NUGGC: variants seen among roughly 807,000 people sequenced by gnomAD.
NUGGC encodes nuclear GTPase, germinal center associated, also known as nuclear GTPase SLIP-GC.
A neutral mutation model predicts 92.6 loss-of-function variants in NUGGC; 58 were observed. The observed-to-expected ratio is 0.63, with a 90% CI of 0.51 to 0.78. The LOEUF (loss-of-function observed/expected upper bound fraction) is 0.78, where lower values mean the gene tolerates loss of function less well. Among genes scored for constraint, NUGGC ranks in the 30% least tolerant of loss-of-function variants. The pLI is 0.00. For synonymous variants in NUGGC, 376 were observed against 366.4 expected, an observed-to-expected ratio of 1.03 and a Z score of -0.30; for missense variants, 925 against 964.6, an observed-to-expected ratio of 0.96 and a Z score of 0.54.
At chr8:28,059,636 C>A (rs987907577) in intron 8 of NUGGC, among the ~76,000 whole-genome samples, 6 of 152,052 alleles carry the variant, frequency 3.9e-5, no homozygotes, top group African/African-American at 7.3e-5. Context: ...AACAAACCTG[C>A]ACATCCTGCA....
At chr8:28,040,497 A>G (rs543042919) in intron 13 of NUGGC, among the ~76,000 whole-genome samples, 2 of 152,340 alleles carry the variant, frequency 1.3e-5, no homozygotes, top group East Asian at 1.9e-4. Context: ...TGGTACTCCA[A>G]CCAAGACCCT....
chr8:28,031,404 A>T, intron 14 of NUGGC, 23 bp from the exon 15 acceptor site: 3 of 1,610,488 alleles, frequency 1.9e-6, no homozygotes, highest in East Asian at 2.2e-5. Context: ...GTGACAAAAA[A>T]GTTTAAGAGA....
At chr8:28,025,333 TG>T (rs745637629) in intron 18 of NUGGC, among the ~76,000 whole-genome samples, 3 of 152,170 alleles carry the variant, frequency 2.0e-5, no homozygotes, top group Non-Finnish European at 2.9e-5. Context: ...CTGTCGATGG[TG>T]AAGAGAAGGA....
At chr8:28,042,776 C>G (rs1347374114) in intron 12 of NUGGC, among the ~76,000 whole-genome samples, 1 of 152,170 alleles carries the variant, frequency 6.6e-6, no homozygotes, top group African/African-American at 2.4e-5. Flanking sequence ...ACGAGTGGCC[C>G]AGAGAAACTG....
intron 16 of NUGGC, 32 bp downstream of exon 16, chr8:28,030,278 C>T (rs1163309735): frequency 8.5e-7 from 1 of 1,171,420 alleles, no homozygotes; most frequent in Non-Finnish European, 1.3e-6. Context: ...AGTCCCAGAG[C>T]AGGCAGAAAT....
intron 14 of NUGGC, among the ~76,000 whole-genome samples, chr8:28,031,826 G>A (rs946639467): frequency 3.3e-5 from 5 of 152,364 alleles, no homozygotes; most frequent in South Asian, 2.1e-4. Flanking sequence ...AAGCACAGTC[G>A]TTTCAGAATA....
rs1809689916 is a variant in NUGGC, at chr8:28,041,190, A to G, written c.1472T>C (p.Leu491Pro). ...LPNEHLHMSV[L>P]RRFAEEKVEL... ...AACCTTCTCTTCCGCAAATCTCCGC[A>G]GGACACTCATGTGCAAGTGTTCATT... Residue 491 changes from leucine to proline, a missense_variant, in exon 13 of 19, where the codon CTG becomes CCG. Physicochemically the swap from Leu to Pro is moderately conservative, Grantham distance 98. Transcript: ENST00000413272. The G allele has an allele frequency of 1.9e-6, 3 of 1,611,154 alleles. No homozygotes were observed. Among genetic ancestry groups the G allele is most frequent in the Middle Eastern group, 3.3e-4 (2 of 6,080 alleles).
At chr8:28,039,053 G>T (rs1809627627) in intron 13 of NUGGC, among the ~76,000 whole-genome samples, 1 of 152,110 alleles carries the variant, frequency 6.6e-6, no homozygotes. Context: ...CCGCATGGAA[G>T]ACACTCCAGC....
chr8:28,044,229 C>T (rs1213458629), intron 12 of NUGGC, among the ~76,000 whole-genome samples: 3 of 152,196 alleles, frequency 2.0e-5, no homozygotes, highest in African/African-American at 7.2e-5. Context: ...TCCTCTACCC[C>T]TTCCCTGTTC....
rs186973708 is a variant in NUGGC, at chr8:28,064,983, T to C, written c.712-252A>G. ...CAGCTAAAATGGGACTTTAGGGAAGTTATAGTATTGCTGAATAATAAGTTT... is the reference window on the plus strand; with the variant it reads ...CAGCTAAAATGGGACTTTAGGGAAGCTATAGTATTGCTGAATAATAAGTTT... On this transcript the variant is annotated intron_variant, in intron 6 of 18. Transcript: ENST00000413272. Among the ~76,000 whole-genome samples, 8 of 152,288 alleles carry C rather than the reference T, an allele frequency of 5.3e-5. No individual in the cohort carries two copies. In the East Asian group the frequency reaches 1.5e-3, roughly 29 times the overall value.
Position 28,029,267 on chromosome 8 carries a change from T to C in NUGGC, c.2153A>G (p.Lys718Arg), listed in dbSNP as rs746183956. The C allele has an allele frequency of 5.0e-6, 8 of 1,604,210 alleles. No homozygotes were observed. The highest frequency in any genetic ancestry group is 6.8e-6 in the Non-Finnish European group (8 of 1,175,306). The change falls in exon 17 of 19, where the codon AAG becomes AGG. Residue 718 changes from lysine to arginine, a missense_variant and splice_region_variant. Physicochemically the swap from Lys to Arg is conservative, Grantham distance 26. Transcript: ENST00000413272. Reference sequence around the variant, plus strand: ...ATCCAGGATGTGGGCATAGAGTACCTTCAGCTGCTGAAACTGGTGCTGCAT... The same window carrying C: ...ATCCAGGATGTGGGCATAGAGTACCCTCAGCTGCTGAAACTGGTGCTGCAT... ...ERMQHQFQQL[K>R]TGIVEKVKGS...
At position 28,031,295 on chromosome 8, in the gene NUGGC, A is replaced by C. The variant is rs1244256024; in HGVS notation, c.1856T>G (p.Ile619Arg). The part of the protein sequence containing the change: ...SLQEKMTEIG[I>R]RSGWKYDSCK... ...GCTATCATATTTCCAGCCACTTCTTATCCCAATTTCTGTCATTTTCTCCTG... is the reference window on the plus strand; with the variant it reads ...GCTATCATATTTCCAGCCACTTCTTCTCCCAATTTCTGTCATTTTCTCCTG... The change falls in exon 15 of 19, where the codon ATA (isoleucine) becomes AGA (arginine). Residue 619 changes from isoleucine to arginine, a missense_variant. By Grantham distance (97) the Ile-to-Arg change is moderately conservative (BLOSUM62 -3). Coordinates refer to ENST00000413272, the MANE Select transcript of NUGGC (RefSeq NM_001010906.2). 3 of 1,613,908 alleles carry C rather than the reference A, an allele frequency of 1.9e-6. No individual in the cohort carries two copies. Among genetic ancestry groups the C allele is most frequent in the Non-Finnish European group, 2.5e-6 (3 of 1,179,886 alleles).
intron 1 of NUGGC, among the ~76,000 whole-genome samples, chr8:28,081,531 G>A (rs763218141): frequency 1.3e-5 from 2 of 152,188 alleles, no homozygotes; most frequent in South Asian, 2.1e-4. Flanking sequence ...TCTGACTCCC[G>A]TTCTTGTCCC....
intron 12 of NUGGC, among the ~76,000 whole-genome samples, chr8:28,044,601 G>A (rs778851003): frequency 3.9e-5 from 6 of 152,216 alleles, no homozygotes; most frequent in Non-Finnish European, 8.8e-5. Flanking sequence ...GATTAGGGAA[G>A]TTATTCATCA....
chr8:28,068,330 C>T lies in NUGGC; in HGVS notation c.366G>A (p.Gln122=). 1 of 1,564,220 alleles carries T rather than the reference C, an allele frequency of 6.4e-7. No individual in the cohort carries two copies. Among genetic ancestry groups the T allele is most frequent in the South Asian group, 1.2e-5 (1 of 84,716 alleles). Reference sequence around the variant, plus strand: ...CAGACACTGGTAGAAACATTGCTTGCTGGATGATGGCATTGATCAGGGAGC... The same window carrying T: ...CAGACACTGGTAGAAACATTGCTTGTTGGATGATGGCATTGATCAGGGAGC... ...GKSSLINAII[Q]QAMFLPVSGE... is the part of the protein sequence containing the mutation. Residue 122 remains glutamine, a synonymous_variant, in exon 5 of 19, where the codon CAG becomes CAA. Transcript: ENST00000413272.
At chr8:28,061,621 C>T (rs1291665747) in intron 7 of NUGGC, among the ~76,000 whole-genome samples, 1 of 152,174 alleles carries the variant, frequency 6.6e-6, no homozygotes, top group Non-Finnish European at 1.5e-5. Context: ...TTCTTTTCGA[C>T]TTTACAATGG....
At chr8:28,033,739 G>A in intron 13 of NUGGC, 42 bp from the exon 14 acceptor site, 2 of 1,570,674 alleles carry the variant, frequency 1.3e-6, no homozygotes, top group South Asian at 1.1e-5. Context: ...GGCATTAACT[G>A]GAAGGTCACT....
chr8:28,035,249 T>C (rs998633899), intron 13 of NUGGC, among the ~76,000 whole-genome samples: 24 of 152,214 alleles, frequency 1.6e-4, no homozygotes, highest in Non-Finnish European at 2.9e-4. Flanking sequence ...CAGCTCTATC[T>C]AAGGTCACTT....
chr8:28,047,436 A>C, intron 11 of NUGGC, 71 bp downstream of exon 11: 1 of 962,758 alleles, frequency 1.0e-6, no homozygotes, highest in Non-Finnish European at 1.6e-6. Context: ...AAAGTTCTAG[A>C]GCAGGAAATT....
Sources: allele counts gnomAD v4.1 joint callset (sites outside exome capture counted in the v4.1 genomes callset), GRCh38; gene constraint gnomAD v4.1.1; transcripts MANE v1.5; gene names NCBI Gene and HGNC (gene_info 2026-07-23, HGNC 2026-07-21).